Variants in CNTNAP2 observed in about 807,000 individuals in gnomAD.
CNTNAP2 encodes contactin-associated protein-like 2.
A neutral mutation model predicts 155.2 loss-of-function variants in CNTNAP2; 98 were observed. The ratio of observed to expected loss-of-function variants is 0.63; its 90% CI spans 0.54 to 0.75. CNTNAP2 has a LOEUF of 0.75. Among genes scored for constraint, CNTNAP2 ranks in the 30% least tolerant of loss-of-function variants. The probability of loss-of-function intolerance (pLI) is 0.00; values close to 1 mark genes in which losing one functional copy is unlikely to be tolerated. For missense variants in CNTNAP2, 1,727 were observed against 1,688.1 expected, an observed-to-expected ratio of 1.02 and a Z score of -0.40; for synonymous variants, 651 against 631.2, an observed-to-expected ratio of 1.03 and a Z score of -0.47.
chr7:148,310,907 AGCAACCTTTCACTGTTATTTTCGGG>A (rs533929153), intron 21 of CNTNAP2, among the ~76,000 whole-genome samples: 1 of 152,266 alleles, frequency 6.6e-6, no homozygotes, highest in African/African-American at 2.4e-5. Flanking sequence ...AGTATCTACG[AGCAACCTTTCACTGTTATTTTCGGG>A]GCTGGGTATA....
chr7:146,149,879 G>GAAAAAAAAAAA (rs377385260), intron 1 of CNTNAP2, among the ~76,000 whole-genome samples: 2 of 59,506 alleles, frequency 3.4e-5, no homozygotes, highest in African/African-American at 1.3e-4. Context: ...TAGCCACAAA[G>GAAAAAAAAAAA]AAAAAAAAAA....
chr7:148,210,774 C>A (rs138498531), intron 18 of CNTNAP2, among the ~76,000 whole-genome samples: 1 of 152,284 alleles, frequency 6.6e-6, no homozygotes, highest in Admixed American at 6.5e-5. Flanking sequence ...GAACGTTAAC[C>A]CATCCCAGGT....
intron 11 of CNTNAP2, among the ~76,000 whole-genome samples, chr7:147,487,729 A>G (rs368614938): frequency 1.3e-5 from 2 of 152,134 alleles, no homozygotes; most frequent in South Asian, 4.1e-4. Context: ...AATGTATGCT[A>G]CTGGTTGAGT....
intron 13 of CNTNAP2, among the ~76,000 whole-genome samples, chr7:147,896,590 C>T (rs1370208460): frequency 6.6e-6 from 1 of 152,080 alleles, no homozygotes; most frequent in Non-Finnish European, 1.5e-5. Flanking sequence ...TGTCTTCTTG[C>T]ACAGTCAGTT....
chr7:147,002,207 G>T (rs74807872), intron 3 of CNTNAP2, among the ~76,000 whole-genome samples: 8,456 of 152,006 alleles, frequency 0.056, 315 homozygotes, highest in Middle Eastern at 0.13. Flanking sequence ...AAAATAAAAA[G>T]AGAATGTCCA....
At chr7:146,237,368 T>A (rs548120999) in intron 1 of CNTNAP2, among the ~76,000 whole-genome samples, 9 of 152,344 alleles carry the variant, frequency 5.9e-5, no homozygotes, top group African/African-American at 2.2e-4. Flanking sequence ...TACAAAGTGA[T>A]GAATACTGAG....
chr7:147,712,460 G>A (rs565355332), intron 13 of CNTNAP2, among the ~76,000 whole-genome samples: 19 of 152,192 alleles, frequency 1.2e-4, no homozygotes, highest in East Asian at 5.8e-4. Context: ...TGTTTATTGC[G>A]GCACTATTCA....
chr7:147,095,507 T>C (rs1163754959), intron 4 of CNTNAP2, among the ~76,000 whole-genome samples: 1 of 151,542 alleles, frequency 6.6e-6, no homozygotes, highest in East Asian at 1.9e-4. Flanking sequence ...ATAAAATATT[T>C]GTAAAATTTA....
intron 3 of CNTNAP2, among the ~76,000 whole-genome samples, chr7:146,958,237 G>T (rs1584748640): frequency 6.6e-6 from 1 of 152,198 alleles, no homozygotes; most frequent in African/African-American, 2.4e-5. Flanking sequence ...TCTTCCTTGA[G>T]AAATACAAAT....
intron 3 of CNTNAP2, among the ~76,000 whole-genome samples, chr7:146,869,545 A>C (rs1187891788): frequency 6.6e-6 from 1 of 152,144 alleles, no homozygotes; most frequent in Admixed American, 6.6e-5. Context: ...GGCCATCTGC[A>C]AGTAGAGGAG....
chr7:146,336,195 G>A (rs866641735), intron 1 of CNTNAP2, among the ~76,000 whole-genome samples: 12 of 144,722 alleles, frequency 8.3e-5, no homozygotes, highest in African/African-American at 2.3e-4. Context: ...GTGAAACTCC[G>A]TCTAAAAAAA....
intron 1 of CNTNAP2, among the ~76,000 whole-genome samples, chr7:146,374,531 C>G (rs1200146516): frequency 6.6e-6 from 1 of 152,114 alleles, no homozygotes; most frequent in Admixed American, 6.6e-5. Context: ...AAGGAAAGAG[C>G]CTGTTCTTAG....
chr7:146,905,576 G>A lies in CNTNAP2; in HGVS notation c.402+65672G>A, dbSNP rs75583075. On this transcript the variant is annotated intron_variant, in intron 3 of 23. Transcript: ENST00000361727. ...TTAGAAAATATTTTGATCTTCCACA[G>A]AGACTAGCTTTCCCCAAGTCTTTTT... Among the ~76,000 whole-genome samples, 235 of 152,224 alleles carry A rather than the reference G, an allele frequency of 1.5e-3. 1 individual carries two copies. In the East Asian group the frequency reaches 0.018, roughly 12 times the overall value.
chr7:146,690,050 CCA>C (rs1253803561), intron 1 of CNTNAP2, among the ~76,000 whole-genome samples: 1 of 151,504 alleles, frequency 6.6e-6, no homozygotes. Flanking sequence ...TTGCAAATAG[CCA>C]CACACACAAT....
intron 18 of CNTNAP2, among the ~76,000 whole-genome samples, chr7:148,213,836 G>A (rs1042198245): frequency 1.4e-4 from 22 of 152,154 alleles, no homozygotes; most frequent in African/African-American, 5.3e-4. Context: ...ACTACTGAGG[G>A]CAGGGGTCAC....
At chr7:146,606,149 A>T (rs1454001861) in intron 1 of CNTNAP2, among the ~76,000 whole-genome samples, 1 of 152,160 alleles carries the variant, frequency 6.6e-6, no homozygotes, top group East Asian at 1.9e-4. Flanking sequence ...TTTTGGCATA[A>T]TTATTAATAT....
rs1413207332 is a variant in CNTNAP2, at chr7:147,905,894, AAAAC to A, written c.2255+2193_2255+2196del. On this transcript the variant is annotated intron_variant, in intron 14 of 23. Transcript: ENST00000361727. ...TAACAAGAGTGAAACTCCATCTCAA[AAAAC>A]AAACAAACAAACAAACAAAAAAAAA... Among the ~76,000 whole-genome samples, 15 of 150,396 alleles carry A rather than the reference AAAAC, an allele frequency of 1.0e-4. No individual in the cohort carries two copies. In the East Asian group the frequency reaches 1.2e-3, roughly 12 times the overall value.
intron 1 of CNTNAP2, among the ~76,000 whole-genome samples, chr7:146,541,201 C>T (rs1563126962): frequency 6.6e-6 from 1 of 151,892 alleles, no homozygotes; most frequent in Non-Finnish European, 1.5e-5. Flanking sequence ...ACAATTGATC[C>T]AGTAATTGCC....
intron 3 of CNTNAP2, among the ~76,000 whole-genome samples, chr7:147,030,545 G>A (rs966417487): frequency 1.3e-5 from 2 of 152,128 alleles, no homozygotes; most frequent in Non-Finnish European, 2.9e-5. Context: ...AGAGAAATAA[G>A]TTCATTTAAC....
Sources: gnomAD v4.1 joint callset for allele counts (sites outside exome capture counted in the v4.1 genomes callset) on GRCh38, gnomAD v4.1.1 for gene constraint, MANE v1.5 for transcripts, NCBI Gene and HGNC (gene_info 2026-07-23, HGNC 2026-07-21) for gene names.